The following BCL6B variants were observed in gnomAD, a reference collection of about 807,000 sequenced individuals.
BCL6B encodes the protein BCL6B transcription repressor.
A neutral mutation model predicts 44.6 loss-of-function variants in BCL6B; 28 were observed. That is an observed-to-expected ratio of 0.63 (90% CI 0.47 to 0.86). BCL6B has a LOEUF of 0.86. Among genes scored for constraint, BCL6B ranks in the 40% least tolerant of loss-of-function variants. BCL6B has a pLI of 0.00. For missense variants in BCL6B, 626 were observed against 652.3 expected, an observed-to-expected ratio of 0.96 and a Z score of 0.44; for synonymous variants, 268 against 263.6, an observed-to-expected ratio of 1.02 and a Z score of -0.16.
intron 1 of BCL6B, chr17:7,023,414 C>T (rs950027170): frequency 6.1e-6 from 3 of 491,742 alleles, no homozygotes; most frequent in South Asian, 5.9e-5. Context: ...TCCCCACGCT[C>T]GCCAACGACG....
chr17:7,025,337 TC>T, intron 5 of BCL6B, 137 bp downstream of exon 5: 1 of 1,241,026 alleles, frequency 8.1e-7, no homozygotes, highest in South Asian at 1.4e-5. Context: ...GCTTTTAAAC[TC>T]CCACTGCCCA....
Position 7,026,532 on chromosome 17 carries a change from G to A in BCL6B, c.965G>A (p.Gly322Glu). Residue 322 changes from glycine (G) to glutamate (E), a missense_variant, in exon 6 of 9, where the codon GGG becomes GAG. Gly to Glu is a moderately conservative substitution (Grantham distance 98). Transcript: ENST00000293805. Reference protein sequence around the residue: ...CSSGLDSLVPGDEDKPYKCQL... With the variant: ...CSSGLDSLVPEDEDKPYKCQL... ...TCGGGGCTGGACTCCTTGGTTCCTG[G>A]GGACGAAGACAAACCCTATAAGTGT... The A allele has an allele frequency of 6.2e-7, 1 of 1,614,156 alleles. No individual in the cohort carries two copies.
rs750800549 is a variant in BCL6B at position 7,026,598 on chromosome 17, C to T, written c.1031C>T (p.Ala344Val). The T allele has an allele frequency of 6.8e-6, 11 of 1,614,062 alleles. No homozygotes were observed. The highest frequency in any genetic ancestry group is 2.2e-5 in the East Asian group (1 of 44,896). The change falls in exon 6 of 9, where the codon GCC (alanine) becomes GTC (valine). Residue 344 changes from alanine (A) to valine (V), a missense_variant. Physicochemically the swap from Ala to Val is moderately conservative, Grantham distance 64. Transcript: ENST00000293805. Reference sequence around the variant, plus strand: ...TCGTTCCGCTACAAGGGCAACCTTGCCAGTCATCGTACAGTGCACACAGGT... The same window carrying T: ...TCGTTCCGCTACAAGGGCAACCTTGTCAGTCATCGTACAGTGCACACAGGT... ...RSSFRYKGNL[A>V]SHRTVHTGEK... is the part of the protein sequence containing the mutation.
rs202166674 is a variant in BCL6B at position 7,024,540 on chromosome 17, C to G, written c.541C>G (p.Pro181Ala). 7 of 1,613,952 alleles carry G rather than the reference C, an allele frequency of 4.3e-6. No individual in the cohort carries two copies. The Admixed American group carries it at 1.0e-4, about 23-fold the overall frequency. The change falls in exon 4 of 9, where the codon CCC (proline) becomes GCC (alanine). Residue 181 changes from proline (P) to alanine (A), a missense_variant. Physicochemically the swap from Pro to Ala is conservative, Grantham distance 27. Coordinates refer to ENST00000293805, the MANE Select transcript of BCL6B (RefSeq NM_181844.4). The surrounding 1 kb of genome is among the most constrained non-coding windows in gnomAD (Gnocchi z 6.6). ...TGAATCTCGAAGCTGCAGTCAAGGC[C>G]CCCCCAGTCCAGCCAGCCCTGACCC... ...PTESRSCSQG[P>A]PSPASPDPKA...
At position 7,027,861 on chromosome 17, in the gene BCL6B, T is replaced by G. The variant is rs988275616; in HGVS notation, c.*242T>G. On this transcript the variant is annotated 3_prime_UTR_variant, in exon 9 of 9. Coordinates refer to ENST00000293805, the MANE Select transcript of BCL6B (RefSeq NM_181844.4). ...GATTGTTTCTGAGGAGAGAGCTAGCTAGGGGCTGGGAAAGGGGAGAGATTG... is the reference window on the plus strand; with the variant it reads ...GATTGTTTCTGAGGAGAGAGCTAGCGAGGGGCTGGGAAAGGGGAGAGATTG... The G allele has an allele frequency of 3.9e-5, 54 of 1,375,822 alleles. No individual in the cohort carries two copies. The Admixed American group carries it at 1.7e-3, about 42-fold the overall frequency. The allele number at this position is 1,375,822 out of a possible 1,614,324, so 85.2% of individuals were successfully genotyped here.
chr17:7,029,265 GTC>G lies in BCL6B; in HGVS notation c.*1650_*1651del. On this transcript the variant is annotated 3_prime_UTR_variant, in exon 9 of 9. Transcript: ENST00000293805. ...CAGGGTTGCCTCTTGGCTGGGTGGA[GTC>G]TCTGAAATGTTAGAAGAAGCGCTGA... 1 of 986,764 alleles carries G rather than the reference GTC, an allele frequency of 1.0e-6. No homozygotes were observed. Among genetic ancestry groups the G allele is most frequent in the Non-Finnish European group, 1.2e-6 (1 of 830,850 alleles). 61.1% of individuals were successfully genotyped at this position (986,764 alleles called of 1,614,324 possible).
rs749337243 is a variant in BCL6B, at chr17:7,024,321, C to T, written c.401+17C>T. On this transcript the variant is annotated intron_variant, in intron 3 of 8. Coordinates refer to ENST00000293805, the MANE Select transcript of BCL6B (RefSeq NM_181844.4). This position sits in a 1 kb window ranked among gnomAD's most constrained non-coding sequence, Gnocchi z 6.6. ...CCAGGCCAGGTGAGGGACCCTGGCT[C>T]GGCGTTCTCTGTGGGTGAGGTGTTA... The T allele has an allele frequency of 1.4e-5, 22 of 1,613,692 alleles. No individual in the cohort carries two copies. The highest frequency in any genetic ancestry group is 1.1e-4 in the South Asian group (10 of 91,074).
chr17:7,026,613 T>A lies in BCL6B; in HGVS notation c.1046T>A (p.Val349Glu). 1 of 1,614,136 alleles carries A rather than the reference T, an allele frequency of 6.2e-7. No individual in the cohort carries two copies. The highest frequency in any genetic ancestry group is 8.5e-7 in the Non-Finnish European group (1 of 1,179,994). ...GGCAACCTTGCCAGTCATCGTACAGTGCACACAGGTAGGGGAAGAGAGGGC... is the reference window on the plus strand; with the variant it reads ...GGCAACCTTGCCAGTCATCGTACAGAGCACACAGGTAGGGGAAGAGAGGGC... ...YKGNLASHRT[V>E]HTGEKPYHCS... Residue 349 changes from valine (V) to glutamate (E), a missense_variant, in exon 6 of 9, where the codon GTG (valine) becomes GAG (glutamate). Physicochemically the swap from Val to Glu is moderately radical, Grantham distance 121. Coordinates refer to ENST00000293805, the MANE Select transcript of BCL6B (RefSeq NM_181844.4).
At position 7,027,554 on chromosome 17, in the gene BCL6B, C is replaced by G. The variant is rs773474842; in HGVS notation, c.1375C>G (p.Leu459Val). The change falls in exon 9 of 9, where the codon CTG becomes GTG. Residue 459 changes from leucine to valine, a missense_variant. Physicochemically the swap from Leu to Val is conservative, Grantham distance 32 (BLOSUM62 1). Coordinates refer to ENST00000293805, the MANE Select transcript of BCL6B (RefSeq NM_181844.4). ...FRHKSQLRLH[L>V]RQKHGAATNT... The stretch of plus-strand genomic sequence containing the variant: ...GCACAAGAGTCAACTGCGGCTGCAT[C>G]TGCGCCAGAAACACGGAGCTGCTAC... The G allele has an allele frequency of 6.2e-7, 1 of 1,613,900 alleles. No homozygotes were observed. The highest frequency in any genetic ancestry group is 8.5e-7 in the Non-Finnish European group (1 of 1,180,016).
Position 7,024,985 on chromosome 17 carries a change from G to A in BCL6B, c.765-91G>A. On this transcript the variant is annotated intron_variant, in intron 4 of 8. Transcript: ENST00000293805. This position sits in a 1 kb window ranked among gnomAD's most constrained non-coding sequence, Gnocchi z 6.6. The stretch of plus-strand genomic sequence containing the variant: ...TCAACAATATTGGCTCACCCTGAGA[G>A]GGCAGGCCTTTGGCTCCAAATTTCC... 1 of 1,548,056 alleles carries A rather than the reference G, an allele frequency of 6.5e-7. No homozygotes were observed. Among genetic ancestry groups the A allele is most frequent in the South Asian group, 1.2e-5 (1 of 81,562 alleles).
rs1910212768 is a variant in BCL6B at position 7,024,150 on chromosome 17, G to T, written c.247G>T (p.Gly83Cys). 1.2e-6 allele frequency: 2 copies of T among 1,613,930 alleles called. No homozygotes were observed. Among genetic ancestry groups the T allele is most frequent in the African/African-American group, 1.3e-5 (1 of 74,990 alleles). Residue 83 changes from glycine (G) to cysteine (C), a missense_variant, in exon 3 of 9, where the codon GGT (glycine) becomes TGT (cysteine). Gly to Cys is a radical substitution (Grantham distance 159). Transcript: ENST00000293805. The surrounding 1 kb of genome is among the most constrained non-coding windows in gnomAD (Gnocchi z 6.6). ...GGTGGACGTGCTCTCTCTGCCCGGG[G>T]GTCCCGAAGCGAGAGGCTTCGCCCC... ...VGVDVLSLPG[G>C]PEARGFAPLL...
In BCL6B at chr17:7,024,594, T is replaced by C; in HGVS notation, c.595T>C (p.Tyr199His). 6.2e-7 allele frequency: 1 copy of C among 1,614,004 alleles called. No individual in the cohort carries two copies. Among genetic ancestry groups the C allele is most frequent in the Non-Finnish European group, 8.5e-7 (1 of 1,179,992 alleles). The change falls in exon 4 of 9, where the codon TAC (tyrosine) becomes CAC (histidine). Residue 199 changes from tyrosine (Y) to histidine (H), a missense_variant. Coordinates refer to ENST00000293805, the MANE Select transcript of BCL6B (RefSeq NM_181844.4). The surrounding 1 kb of genome is among the most constrained non-coding windows in gnomAD (Gnocchi z 6.6). ...GGCCTGCAACTGGAAAAAGTACAAGTACATCGTGCTAAACTCTCAGGCCTC... is the reference window on the plus strand; with the variant it reads ...GGCCTGCAACTGGAAAAAGTACAAGCACATCGTGCTAAACTCTCAGGCCTC... ...PKACNWKKYKYIVLNSQASQA... is the reference protein window; with the variant it reads ...PKACNWKKYKHIVLNSQASQA...
At chr17:7,023,151 G>A (rs1452900161) in intron 1 of BCL6B, 52 bp downstream of exon 1, 1 of 155,246 alleles carries the variant, frequency 6.4e-6, no homozygotes, top group Non-Finnish European at 1.4e-5. Flanking sequence ...CAAGAGGGTA[G>A]GAGCTTGTGT....
At position 7,028,749 on chromosome 17, in the gene BCL6B, G is replaced by A; in HGVS notation, c.*1130G>A. 1.0e-6 allele frequency: 1 copy of A among 985,428 alleles called. No homozygotes were observed. The highest frequency in any genetic ancestry group is 1.2e-6 in the Non-Finnish European group (1 of 829,960). The allele number at this position is 985,428 out of a possible 1,614,324, so 61.0% of individuals were successfully genotyped here. A position where few individuals can be genotyped will look rare whatever the true frequency, so the allele number is the denominator to read the frequency against. ...AGTCTCTATGAATGTTATGGCCTAGGGAAGAATCATGAAACTCTTTAGCTT... is the reference window on the plus strand; with the variant it reads ...AGTCTCTATGAATGTTATGGCCTAGAGAAGAATCATGAAACTCTTTAGCTT... On this transcript the variant is annotated 3_prime_UTR_variant, in exon 9 of 9. Coordinates refer to ENST00000293805, the MANE Select transcript of BCL6B (RefSeq NM_181844.4).
In BCL6B at chr17:7,026,446, C is replaced by T; in HGVS notation, c.890-11C>T. 3.1e-6 allele frequency: 5 copies of T among 1,613,374 alleles called. No homozygotes were observed. Among genetic ancestry groups the T allele is most frequent in the Non-Finnish European group, 4.2e-6 (5 of 1,179,504 alleles). ...ATAACTATGGTTGCCGTCACCCATT[C>T]CCCTTCCCAGGAAGTGAATTTTTCA... On this transcript the variant is annotated splice_polypyrimidine_tract_variant and intron_variant, in intron 5 of 8. Coordinates refer to ENST00000293805, the MANE Select transcript of BCL6B (RefSeq NM_181844.4).
At chr17:7,025,536 T>G (rs547784044) in intron 5 of BCL6B, among the ~76,000 whole-genome samples, 1 of 151,924 alleles carries the variant, frequency 6.6e-6, no homozygotes, top group East Asian at 1.9e-4. Flanking sequence ...GTGGTGCAAG[T>G]GAGGAGGAGA....
chr17:7,026,688 A>G lies in BCL6B; in HGVS notation c.1055-17A>G. 6.2e-7 allele frequency: 1 copy of G among 1,614,222 alleles called. No homozygotes were observed. Among genetic ancestry groups the G allele is most frequent in the Non-Finnish European group, 8.5e-7 (1 of 1,180,040 alleles). On this transcript the variant is annotated splice_polypyrimidine_tract_variant and intron_variant, in intron 6 of 8. Coordinates refer to ENST00000293805, the MANE Select transcript of BCL6B (RefSeq NM_181844.4). ...CCTAGGGCAAAGTCCCTGATCTCCCATGTTCTCTGCCTCCAGGGGAAAAGC... is the reference window on the plus strand; with the variant it reads ...CCTAGGGCAAAGTCCCTGATCTCCCGTGTTCTCTGCCTCCAGGGGAAAAGC...
At chr17:7,023,951 C>T in intron 2 of BCL6B, 101 bp downstream of exon 2, 3 of 1,535,118 alleles carry the variant, frequency 2.0e-6, no homozygotes, top group Middle Eastern at 2.3e-4. Flanking sequence ...AAGCAGGAGG[C>T]GGAGCGTCCC....
chr17:7,027,914 C>G lies in BCL6B; in HGVS notation c.*295C>G. 8.2e-7 allele frequency: 1 copy of G among 1,221,490 alleles called. No individual in the cohort carries two copies. The highest frequency in any genetic ancestry group is 1.6e-5 in the African/African-American group (1 of 64,332). The allele number at this position is 1,221,490 out of a possible 1,614,324, so 75.7% of individuals were successfully genotyped here. A position where few individuals can be genotyped will look rare whatever the true frequency, so the allele number is the denominator to read the frequency against. ...GTCCTGGTCTCCCTAAGGGAATAGC[C>G]CTCCACCTGTGGCCCCCATTGCATT... On this transcript the variant is annotated 3_prime_UTR_variant, in exon 9 of 9. Transcript: ENST00000293805.
Sources: gnomAD v4.1 joint callset for allele counts (sites outside exome capture counted in the v4.1 genomes callset) on GRCh38, gnomAD v4.1.1 for gene constraint, Gnocchi (gnomAD v3.1) non-coding constraint, MANE v1.5 for transcripts, NCBI Gene and HGNC (gene_info 2026-07-23, HGNC 2026-07-21) for gene names.